The following DPP6 variants were observed in gnomAD, a reference collection of about 807,000 sequenced individuals.
DPP6 encodes dipeptidyl peptidase like 6.
A neutral mutation model predicts 122.6 loss-of-function variants in DPP6; 69 were observed. The ratio of observed to expected loss-of-function variants is 0.56; its 90% CI spans 0.46 to 0.69. The LOEUF (loss-of-function observed/expected upper bound fraction) is 0.69. DPP6 is among the 30% of genes least tolerant of loss of function. The pLI, the probability that DPP6 is intolerant of heterozygous loss-of-function variation, is 0.00. For synonymous variants in DPP6, 418 were observed against 433.1 expected, an observed-to-expected ratio of 0.97 and a Z score of 0.43; for missense variants, 928 against 1,116.9, an observed-to-expected ratio of 0.83 and a Z score of 2.41.
At chr7:153,848,384 GTTATCTGCTC>G in the DPP6 span, among the ~76,000 whole-genome samples, 6 of 151,474 alleles carry the variant, frequency 4.0e-5, no homozygotes, top group African/African-American at 1.5e-4. Flanking sequence ...ACACTTCCTT[GTTATCTGCTC>G]TTAGAGAATT....
chr7:154,305,702 CT>C (rs1806279238), intron 1 of DPP6, among the ~76,000 whole-genome samples: 1 of 152,124 alleles, frequency 6.6e-6, no homozygotes, highest in African/African-American at 2.4e-5. Context: ...CTGTAGCCCC[CT>C]GAGCCACCAA....
intron 5 of DPP6, chr7:154,588,180 T>C: frequency 6.6e-7 from 1 of 1,508,914 alleles, no homozygotes; most frequent in Admixed American, 2.1e-5. Flanking sequence ...GCCTTCCCCA[T>C]CCTATCCCTG....
In DPP6 at chr7:154,403,202, G is replaced by A. The variant is rs1815788785; in HGVS notation, c.244-43012G>A. ...TCCCTGGACTCAGCAGGTCGCCACC[G>A]TGAGGCCCCAGCATTTGGGTCCATC... On this transcript the variant is annotated intron_variant, in intron 1 of 25. Transcript: ENST00000377770. The surrounding 1 kb of genome is among the most constrained non-coding windows in gnomAD (Gnocchi z 4.1). Among the ~76,000 whole-genome samples, 1 of 152,210 alleles carries A rather than the reference G, an allele frequency of 6.6e-6. No individual in the cohort carries two copies. The highest frequency in any genetic ancestry group is 2.1e-4 in the South Asian group (1 of 4,828).
rs573998210 is a variant in DPP6 at position 154,403,805 on chromosome 7, G to A, written c.244-42409G>A. On this transcript the variant is annotated intron_variant, in intron 1 of 25. Transcript: ENST00000377770. The surrounding 1 kb of genome is among the most constrained non-coding windows in gnomAD (Gnocchi z 4.1). ...GGTTCTCAATACCTCGGGGTGTAAA[G>A]GACAGCTCTTTATTTGGCTGTGAAT... is the stretch of plus-strand genomic sequence containing the variant. 1.2e-3 allele frequency among the ~76,000 whole-genome samples: 181 copies of A among 152,300 alleles called. No individual in the cohort carries two copies. The highest frequency in any genetic ancestry group is 4.3e-3 in the African/African-American group (177 of 41,568).
chr7:154,407,657 A>G (rs1365461712), intron 1 of DPP6, among the ~76,000 whole-genome samples: 1 of 152,198 alleles, frequency 6.6e-6, no homozygotes, highest in Non-Finnish European at 1.5e-5. Context: ...ATAGAAATAA[A>G]ACTTATGGCT....
At chr7:154,247,279 C>T (rs907136843) in intron 1 of DPP6, among the ~76,000 whole-genome samples, 2 of 152,144 alleles carry the variant, frequency 1.3e-5, no homozygotes, top group Non-Finnish European at 2.9e-5. Flanking sequence ...CAGTACTGCA[C>T]TCCAGCCTGG....
At chr7:153,947,486 G>C (rs1277572623) in intron 1 of DPP6, among the ~76,000 whole-genome samples, 1 of 151,956 alleles carries the variant, frequency 6.6e-6, no homozygotes, top group African/African-American at 2.4e-5. Flanking sequence ...AAACTAGACT[G>C]GCAAAAAATA....
intron 1 of DPP6, among the ~76,000 whole-genome samples, chr7:154,333,633 A>G (rs914454602): frequency 6.6e-6 from 1 of 152,244 alleles, no homozygotes; most frequent in African/African-American, 2.4e-5. Context: ...TTGGTGAAGC[A>G]TAGTTTTTCT....
the DPP6 span, among the ~76,000 whole-genome samples, chr7:153,802,227 C>T: frequency 6.6e-6 from 1 of 152,124 alleles, no homozygotes; most frequent in South Asian, 2.1e-4. Flanking sequence ...GTTTCCTTAC[C>T]TCTGACAAGG....
intron 1 of DPP6, among the ~76,000 whole-genome samples, chr7:153,995,594 A>G (rs1260578050): frequency 1.3e-5 from 2 of 151,480 alleles, no homozygotes; most frequent in Non-Finnish European, 2.9e-5. Flanking sequence ...GTCTCAAAAA[A>G]AAAAAAAAAA....
intron 7 of DPP6, among the ~76,000 whole-genome samples, chr7:154,679,348 C>T (rs2171614): frequency 0.11 from 16,225 of 152,190 alleles, 935 homozygotes; most frequent in East Asian, 0.15. Flanking sequence ...GCTAATGCCA[C>T]GCCAGAAATT....
chr7:154,586,458 T>C (rs893363364), intron 5 of DPP6, among the ~76,000 whole-genome samples: 11 of 151,902 alleles, frequency 7.2e-5, no homozygotes, highest in African/African-American at 2.7e-4. Context: ...GAGGGAGAAA[T>C]TTGCTGGAGG....
At chr7:153,799,976 A>G in the DPP6 span, among the ~76,000 whole-genome samples, 1 of 152,206 alleles carries the variant, frequency 6.6e-6, no homozygotes, top group African/African-American at 2.4e-5. Flanking sequence ...GTGGGAAGGT[A>G]AATTAGTACA....
intron 1 of DPP6, among the ~76,000 whole-genome samples, chr7:154,413,504 T>C (rs2151211230): frequency 6.6e-6 from 1 of 152,242 alleles, no homozygotes; most frequent in East Asian, 1.9e-4. Flanking sequence ...CATTTTGATT[T>C]TTCTAGAGCG....
chr7:154,268,772 T>C (rs1430251019), intron 1 of DPP6, among the ~76,000 whole-genome samples: 2 of 152,082 alleles, frequency 1.3e-5, no homozygotes, highest in African/African-American at 4.8e-5. Flanking sequence ...AATGCTGCTG[T>C]CCTTTATTCA....
At chr7:154,748,929 CCA>C (rs1205854874) in intron 8 of DPP6, among the ~76,000 whole-genome samples, 1 of 152,302 alleles carries the variant, frequency 6.6e-6, no homozygotes, top group East Asian at 1.9e-4. Context: ...AGAGCGCGAC[CCA>C]TTCGGAAAAT....
At chr7:153,800,714 G>C in the DPP6 span, among the ~76,000 whole-genome samples, 1 of 151,770 alleles carries the variant, frequency 6.6e-6, no homozygotes, top group Non-Finnish European at 1.5e-5. Context: ...ACGGGGTTTC[G>C]CCATGTTGGC....
At chr7:154,668,380 C>A (rs1220716384) in intron 6 of DPP6, among the ~76,000 whole-genome samples, 1 of 150,568 alleles carries the variant, frequency 6.6e-6, no homozygotes, top group Non-Finnish European at 1.5e-5. Flanking sequence ...GCCACCGCGC[C>A]CGACTAATTT....
intron 10 of DPP6, among the ~76,000 whole-genome samples, chr7:154,789,995 C>G (rs910125693): frequency 6.6e-6 from 1 of 152,164 alleles, no homozygotes; most frequent in Non-Finnish European, 1.5e-5. Context: ...GCCAGGAGTT[C>G]AAGACCAGCC....
Sources: gnomAD v4.1 joint callset for allele counts (sites outside exome capture counted in the v4.1 genomes callset) on GRCh38, gnomAD v4.1.1 for gene constraint, Gnocchi (gnomAD v3.1) non-coding constraint, MANE v1.5 for transcripts, NCBI Gene and HGNC (gene_info 2026-07-23, HGNC 2026-07-21) for gene names.